The following ZNF438 variants were observed in gnomAD, a reference collection of about 807,000 sequenced individuals.
ZNF438 encodes the protein zinc finger protein 438.
A neutral mutation model predicts 38.0 loss-of-function variants in ZNF438; 25 were observed. That is an observed-to-expected ratio of 0.66 (90% CI 0.48 to 0.92). The LOEUF (loss-of-function observed/expected upper bound fraction) is 0.92. Among genes scored for constraint, ZNF438 ranks in the 40% least tolerant of loss-of-function variants. ZNF438 has a pLI of 0.00. For missense variants in ZNF438, 1,007 were observed against 999.6 expected (o/e 1.01, Z -0.10); for synonymous variants, 372 against 364.1 (o/e 1.02, Z -0.25).
chr10:30,989,516 T>A (rs2053237943), intron 1 of ZNF438, among the ~76,000 whole-genome samples: 1 of 152,200 alleles, frequency 6.6e-6, no homozygotes, highest in Non-Finnish European at 1.5e-5. Flanking sequence ...CAGGGACATA[T>A]CTTACATCTC....
intron 1 of ZNF438, among the ~76,000 whole-genome samples, chr10:30,957,478 A>T (rs2048989787): frequency 6.6e-6 from 1 of 152,158 alleles, no homozygotes; most frequent in South Asian, 2.1e-4. Context: ...AATGTCATGA[A>T]GTGTTTCTCC....
At chr10:30,887,382 T>C (rs909288776) in intron 3 of ZNF438, among the ~76,000 whole-genome samples, 4 of 151,392 alleles carry the variant, frequency 2.6e-5, no homozygotes, top group African/African-American at 9.7e-5. Flanking sequence ...TAATAAACTC[T>C]TTTTTTTTGA....
chr10:30,852,748 A>G (rs1424101864), intron 4 of ZNF438, among the ~76,000 whole-genome samples: 1 of 152,228 alleles, frequency 6.6e-6, no homozygotes, highest in Non-Finnish European at 1.5e-5. Flanking sequence ...AGTGAGTGCT[A>G]TTGTCTGGAA....
intron 1 of ZNF438, among the ~76,000 whole-genome samples, chr10:30,991,249 C>G (rs1002846102): frequency 6.6e-6 from 1 of 152,234 alleles, no homozygotes; most frequent in African/African-American, 2.4e-5. Context: ...CCTGGTAGAA[C>G]AAGCCACTGG....
intron 2 of ZNF438, among the ~76,000 whole-genome samples, chr10:30,935,093 C>T (rs1351570276): frequency 6.6e-6 from 1 of 152,188 alleles, no homozygotes; most frequent in Non-Finnish European, 1.5e-5. Context: ...CCTATGAAAT[C>T]ATTTGGAAAC....
intron 2 of ZNF438, among the ~76,000 whole-genome samples, chr10:30,916,747 C>T (rs1015096778): frequency 6.6e-6 from 1 of 151,942 alleles, no homozygotes; most frequent in Non-Finnish European, 1.5e-5. Context: ...CTGAGTTGTT[C>T]CCAGCTTTCT....
chr10:31,017,063 C>T (rs1218970706), intron 1 of ZNF438, among the ~76,000 whole-genome samples: 1 of 152,178 alleles, frequency 6.6e-6, no homozygotes, highest in Non-Finnish European at 1.5e-5. Context: ...TCCACCACCA[C>T]CATCGCACAC....
At chr10:30,951,193 C>G (rs943340042) in intron 1 of ZNF438, among the ~76,000 whole-genome samples, 1 of 151,584 alleles carries the variant, frequency 6.6e-6, no homozygotes, top group African/African-American at 2.4e-5. Flanking sequence ...TGACAAAATT[C>G]AACAAACTTT....
At chr10:30,963,682 C>A (rs1296856163) in intron 1 of ZNF438, among the ~76,000 whole-genome samples, 1 of 151,966 alleles carries the variant, frequency 6.6e-6, no homozygotes, top group East Asian at 1.9e-4. Flanking sequence ...GAGTTTAAGA[C>A]CAGCCCGGCC....
exon 5 of ZNF438, chr10:30,849,089 T>C (rs749380399): frequency 6.2e-7 from 1 of 1,614,006 alleles, no homozygotes; most frequent in South Asian, 1.1e-5. Context: ...CATGATAGGT[T>C]TGGGCATAAT....
chr10:30,864,114 G>A (rs957584486), intron 4 of ZNF438, among the ~76,000 whole-genome samples: 1 of 152,098 alleles, frequency 6.6e-6, no homozygotes, highest in Non-Finnish European at 1.5e-5. Context: ...TATTATGTGG[G>A]AACTCATTCA....
chr10:30,905,003 C>T (rs1225627116), intron 3 of ZNF438, among the ~76,000 whole-genome samples: 1 of 152,146 alleles, frequency 6.6e-6, no homozygotes, highest in African/African-American at 2.4e-5. Context: ...GGTTCACACC[C>T]CTTTGTGTTC....
At position 30,993,340 on chromosome 10, in the gene ZNF438, C is replaced by T. The variant is rs546287625; in HGVS notation, c.-192+38493G>A. ...GGCATCCATGGCATTCTGCACAGCC[C>T]GCTGTCCAGGACTGCCTCAGGACTC... On this transcript the variant is annotated intron_variant, in intron 1 of 5. Transcript: ENST00000413025. Among the ~76,000 whole-genome samples, 9 of 152,294 alleles carry T rather than the reference C, an allele frequency of 5.9e-5. 1 individual carries two copies. In the South Asian group the frequency reaches 1.9e-3, roughly 32 times the overall value.
In ZNF438 at chr10:30,970,237, C is replaced by A. The variant is rs189530107; in HGVS notation, c.-191-28586G>T. On this transcript the variant is annotated intron_variant, in intron 1 of 5. Coordinates refer to ENST00000413025, the Ensembl canonical transcript of ZNF438. ...TTTTACTATTCTGAAAATAACAGAA[C>A]CCTAATATAGTAACCTTTCTCAAGT... is the stretch of plus-strand genomic sequence containing the variant. Among the ~76,000 whole-genome samples, 373 of 151,824 alleles carry A rather than the reference C, an allele frequency of 2.5e-3. 1 individual carries two copies. The highest frequency in any genetic ancestry group is 8.5e-3 in the African/African-American group (350 of 41,366).
At chr10:30,921,617 A>C (rs541565215) in intron 2 of ZNF438, among the ~76,000 whole-genome samples, 1 of 152,218 alleles carries the variant, frequency 6.6e-6, no homozygotes, top group African/African-American at 2.4e-5. Flanking sequence ...CACTTATTTC[A>C]GAAAAGTTTA....
At chr10:31,005,168 C>T (rs1314491434) in intron 1 of ZNF438, among the ~76,000 whole-genome samples, 5 of 152,172 alleles carry the variant, frequency 3.3e-5, no homozygotes, top group Non-Finnish European at 7.4e-5. Flanking sequence ...CCCATGTTCA[C>T]TGTAGCATGA....
Position 30,963,773 on chromosome 10 carries a change from C to T in ZNF438, c.-191-22122G>A, listed in dbSNP as rs143735554. On this transcript the variant is annotated intron_variant, in intron 1 of 5. Transcript: ENST00000413025. ...GCAGGCGCCTGTAATCCCAGCTAATCGGGAGGCTGAGGCAGAAGAATCCCT... is the reference window on the plus strand; with the variant it reads ...GCAGGCGCCTGTAATCCCAGCTAATTGGGAGGCTGAGGCAGAAGAATCCCT... 9.9e-3 allele frequency among the ~76,000 whole-genome samples: 1,511 copies of T among 151,908 alleles called. 15 individuals are homozygous for T. Among genetic ancestry groups the T allele is most frequent in the Non-Finnish European group, 0.018 (1,217 of 67,946 alleles).
At chr10:30,887,287 C>T (rs183441542) in intron 3 of ZNF438, among the ~76,000 whole-genome samples, 1 of 152,214 alleles carries the variant, frequency 6.6e-6, no homozygotes, top group African/African-American at 2.4e-5. Flanking sequence ...TTTCCCCTGG[C>T]TCCTTCTGCC....
At chr10:30,982,501 G>A (rs2052326161) in intron 1 of ZNF438, among the ~76,000 whole-genome samples, 1 of 152,028 alleles carries the variant, frequency 6.6e-6, no homozygotes, top group Non-Finnish European at 1.5e-5. Context: ...ATTAACATGA[G>A]ACTGTTAACA....
Sources: allele counts gnomAD v4.1 joint callset (sites outside exome capture counted in the v4.1 genomes callset), GRCh38; gene constraint gnomAD v4.1.1; transcripts MANE v1.5; gene names NCBI Gene and HGNC (gene_info 2026-07-23, HGNC 2026-07-21).